The following CADM2 variants were observed in gnomAD, a reference collection of about 807,000 sequenced individuals.
The protein encoded by CADM2 is immunoglobulin superfamily member 4D.
A neutral mutation model predicts 49.8 loss-of-function variants in CADM2; 12 were observed. The ratio of observed to expected loss-of-function variants is 0.24; its 90% CI spans 0.15 to 0.39. The LOEUF (loss-of-function observed/expected upper bound fraction) is 0.39, where lower values mean the gene tolerates loss of function less well. CADM2 is among the 10% of genes least tolerant of loss of function. The probability of loss-of-function intolerance (pLI) is 1.00; values close to 1 mark genes in which losing one functional copy is unlikely to be tolerated. For missense variants in CADM2, 378 were observed against 492.3 expected (o/e 0.77, Z 2.20); for synonymous variants, 214 against 175.4 (o/e 1.22, Z -1.74).
intron 1 of CADM2, among the ~76,000 whole-genome samples, chr3:85,098,071 A>T (rs1347590393): frequency 6.6e-6 from 1 of 152,184 alleles, no homozygotes; most frequent in African/African-American, 2.4e-5. Flanking sequence ...GGCTATAAGG[A>T]TTGATATGGC....
chr3:85,144,963 A>G (rs1158968515), intron 1 of CADM2, among the ~76,000 whole-genome samples: 1 of 152,204 alleles, frequency 6.6e-6, no homozygotes, highest in Non-Finnish European at 1.5e-5. Flanking sequence ...TGTCAGATGT[A>G]TGCCAAACCT....
intron 1 of CADM2, among the ~76,000 whole-genome samples, chr3:85,149,690 G>A (rs1407929204): frequency 6.6e-6 from 1 of 152,222 alleles, no homozygotes; most frequent in Non-Finnish European, 1.5e-5. Flanking sequence ...TCCTGCCACT[G>A]CACTCCAGCC....
chr3:85,801,498 T>G (rs1301816436), intron 2 of CADM2, among the ~76,000 whole-genome samples: 1 of 152,164 alleles, frequency 6.6e-6, no homozygotes, highest in Non-Finnish European at 1.5e-5. Context: ...CAATACATTT[T>G]GTATTTCTAA....
chr3:85,674,203 A>G (rs1012181140), intron 1 of CADM2, among the ~76,000 whole-genome samples: 3 of 152,216 alleles, frequency 2.0e-5, no homozygotes, highest in Non-Finnish European at 2.9e-5. Context: ...GTAAACGCAC[A>G]TATAAACTTG....
intron 1 of CADM2, among the ~76,000 whole-genome samples, chr3:85,414,238 G>A (rs1161272993): frequency 1.3e-5 from 2 of 151,988 alleles, no homozygotes; most frequent in Non-Finnish European, 2.9e-5. Context: ...TATCTCTTCT[G>A]TTTATAATTC....
chr3:85,482,773 T>C (rs1232478728), intron 1 of CADM2, among the ~76,000 whole-genome samples: 2 of 151,600 alleles, frequency 1.3e-5, no homozygotes, highest in African/African-American at 4.8e-5. Context: ...CTTTTTTCCT[T>C]GAAAATATAT....
intron 1 of CADM2, among the ~76,000 whole-genome samples, chr3:85,436,743 T>C (rs2036950213): frequency 6.6e-6 from 1 of 152,176 alleles, no homozygotes; most frequent in Non-Finnish European, 1.5e-5. Flanking sequence ...CAGAAAGTGC[T>C]AAGATTTCCC....
intron 6 of CADM2, among the ~76,000 whole-genome samples, chr3:85,920,831 T>G (rs1393808514): frequency 6.6e-6 from 1 of 151,588 alleles, no homozygotes; most frequent in Non-Finnish European, 1.5e-5. Flanking sequence ...GATATATATA[T>G]TTGTGAATGG....
At chr3:85,141,537 T>G (rs1308128190) in intron 1 of CADM2, among the ~76,000 whole-genome samples, 1 of 152,192 alleles carries the variant, frequency 6.6e-6, no homozygotes, top group Non-Finnish European at 1.5e-5. Flanking sequence ...AACTTCTTAC[T>G]TGATTCTCAA....
At chr3:85,890,917 A>G (rs988916354) in intron 5 of CADM2, among the ~76,000 whole-genome samples, 7 of 152,182 alleles carry the variant, frequency 4.6e-5, no homozygotes, top group Admixed American at 4.6e-4. Context: ...TATGTGTGGT[A>G]TAGGCATGAG....
intron 1 of CADM2, among the ~76,000 whole-genome samples, chr3:85,434,737 G>C (rs1317052149): frequency 6.6e-6 from 1 of 151,948 alleles, no homozygotes; most frequent in African/African-American, 2.4e-5. Flanking sequence ...TGAGATTGTA[G>C]CCACTCAATT....
chr3:85,595,432 T>C (rs2063216283), intron 1 of CADM2, among the ~76,000 whole-genome samples: 1 of 152,102 alleles, frequency 6.6e-6, no homozygotes, highest in Non-Finnish European at 1.5e-5. Context: ...GTATTATTTC[T>C]AATGTTCTGT....
At chr3:85,834,730 C>T (rs1192538051) in intron 3 of CADM2, among the ~76,000 whole-genome samples, 2 of 146,932 alleles carry the variant, frequency 1.4e-5, no homozygotes, top group African/African-American at 5.0e-5. Flanking sequence ...TTTCCTGTAT[C>T]TTCTTGGGGA....
chr3:84,986,106 G>C (rs937746601), intron 1 of CADM2, among the ~76,000 whole-genome samples: 38 of 152,252 alleles, frequency 2.5e-4, no homozygotes, highest in African/African-American at 8.9e-4. Flanking sequence ...AGAGAATTAG[G>C]AAAACACCAG....
At chr3:85,769,504 TATATATACAC>T in intron 2 of CADM2, among the ~76,000 whole-genome samples, 1 of 53,208 alleles carries the variant, frequency 1.9e-5, no homozygotes, top group Non-Finnish European at 3.5e-5. Context: ...TACATATATG[TATATATACAC>T]GTATATACAT....
chr3:85,867,060 A>G (rs1476914939), intron 3 of CADM2, among the ~76,000 whole-genome samples: 1 of 152,192 alleles, frequency 6.6e-6, no homozygotes. Context: ...TAATCATACT[A>G]TAAATTCCCT....
At chr3:85,599,235 A>G (rs1478225678) in intron 1 of CADM2, among the ~76,000 whole-genome samples, 3 of 152,076 alleles carry the variant, frequency 2.0e-5, no homozygotes, top group Non-Finnish European at 4.4e-5. Context: ...TACTTAATAT[A>G]AAAGTTACAT....
intron 1 of CADM2, among the ~76,000 whole-genome samples, chr3:85,469,512 A>G (rs572282515): frequency 6.6e-6 from 1 of 152,314 alleles, no homozygotes; most frequent in African/African-American, 2.4e-5. Flanking sequence ...ATTTATTCAA[A>G]GAGCACCAAA....
intron 1 of CADM2, among the ~76,000 whole-genome samples, chr3:85,359,637 C>CATATAT (rs1191509964): frequency 4.1e-4 from 14 of 34,260 alleles, no homozygotes; most frequent in African/African-American, 1.3e-3. Flanking sequence ...CCAATGTCAG[C>CATATAT]ATATATATAT....
Sources: allele counts gnomAD v4.1 joint callset (sites outside exome capture counted in the v4.1 genomes callset), GRCh38; gene constraint gnomAD v4.1.1; transcripts MANE v1.5; gene names NCBI Gene and HGNC (gene_info 2026-07-23, HGNC 2026-07-21).